The following SMCHD1 variants were observed in gnomAD, a reference collection of about 807,000 sequenced individuals.
SMCHD1 encodes structural maintenance of chromosomes flexible hinge domain containing 1, also known as structural maintenance of chromosomes flexible hinge domain-containing protein 1.
SMCHD1 carries 78 observed loss-of-function variants against 254.7 expected under a neutral mutation model. The observed-to-expected ratio is 0.31, with a 90% CI of 0.26 to 0.37. SMCHD1 has a LOEUF of 0.37. Among genes scored for constraint, SMCHD1 ranks in the 10% least tolerant of loss-of-function variants. The pLI, the probability that SMCHD1 is intolerant of heterozygous loss-of-function variation, is 1.00. For synonymous variants in SMCHD1, 766 were observed against 794.9 expected (o/e 0.96, Z 0.61); for missense variants, 1,840 against 2,408.1 (o/e 0.76, Z 4.94).
At chr18:2,679,829 A>G (rs926455638) in intron 5 of SMCHD1, among the ~76,000 whole-genome samples, 5 of 151,934 alleles carry the variant, frequency 3.3e-5, no homozygotes, top group Admixed American at 6.6e-5. Flanking sequence ...CTTTGCTTCT[A>G]TGACTCCTCT....
intron 26 of SMCHD1, among the ~76,000 whole-genome samples, chr18:2,739,042 C>G (rs2143535238): frequency 6.6e-6 from 1 of 152,310 alleles, no homozygotes; most frequent in Non-Finnish European, 1.5e-5. Context: ...TTCCTCTACC[C>G]ATTTCTATAC....
At chr18:2,785,424 G>A (rs564779299) in intron 45 of SMCHD1, among the ~76,000 whole-genome samples, 185 of 152,114 alleles carry the variant, frequency 1.2e-3, no homozygotes, top group African/African-American at 3.9e-3. Flanking sequence ...CGAGGTAGGC[G>A]GATCATGAGG....
chr18:2,699,189 T>C (rs1301057845), intron 10 of SMCHD1, among the ~76,000 whole-genome samples: 2 of 152,170 alleles, frequency 1.3e-5, no homozygotes, highest in African/African-American at 2.4e-5. Context: ...TTTCCTTACC[T>C]GGGAAATGGG....
chr18:2,775,068 A>ATTTTTTTTTTTTT (rs10601895), intron 41 of SMCHD1, among the ~76,000 whole-genome samples: 2 of 73,010 alleles, frequency 2.7e-5, no homozygotes, highest in African/African-American at 8.9e-5. Context: ...AAAAGGAACA[A>ATTTTTTTTTTTTT]TTTTTTTTTT....
At chr18:2,776,213 A>G (rs2076063694) in intron 42 of SMCHD1, among the ~76,000 whole-genome samples, 1 of 152,102 alleles carries the variant, frequency 6.6e-6, no homozygotes, top group Non-Finnish European at 1.5e-5. Context: ...CAAAGACATA[A>G]TATTTTTTTT....
At chr18:2,769,316 C>G (rs1186125499) in intron 37 of SMCHD1, among the ~76,000 whole-genome samples, 1 of 152,136 alleles carries the variant, frequency 6.6e-6, no homozygotes, top group Non-Finnish European at 1.5e-5. Context: ...AACTTTCACA[C>G]TATCAGCTCT....
At chr18:2,673,003 A>G (rs535191138) in intron 3 of SMCHD1, 343 of 876,710 alleles carry the variant, frequency 3.9e-4, no homozygotes, top group Non-Finnish European at 4.5e-4. Flanking sequence ...TAATGTCTGT[A>G]TGTCTGTCTT....
At chr18:2,768,856 G>A (rs901297696) in intron 37 of SMCHD1, among the ~76,000 whole-genome samples, 3 of 148,852 alleles carry the variant, frequency 2.0e-5, no homozygotes, top group African/African-American at 7.3e-5. Context: ...ATGTAAGTCT[G>A]TTGAAAACCA....
intron 37 of SMCHD1, chr18:2,764,000 A>G (rs924268733): frequency 2.2e-6 from 1 of 448,848 alleles, no homozygotes; most frequent in African/African-American, 2.1e-5. Context: ...ATGGGATAAC[A>G]GCTTTCTCTG....
chr18:2,772,044 C>G (rs528237901), intron 40 of SMCHD1, among the ~76,000 whole-genome samples: 1 of 151,550 alleles, frequency 6.6e-6, no homozygotes, highest in Middle Eastern at 3.2e-3. Flanking sequence ...GAAGTGGGAA[C>G]TTTATATTAC....
At chr18:2,709,232 G>A (rs371492519) in intron 17 of SMCHD1, among the ~76,000 whole-genome samples, 3 of 79,654 alleles carry the variant, frequency 3.8e-5, no homozygotes, top group Non-Finnish European at 9.4e-5. Context: ...GTGTATATGT[G>A]TATATATATA....
intron 42 of SMCHD1, 93 bp downstream of exon 42, chr18:2,776,017 C>T: frequency 9.0e-7 from 1 of 1,113,196 alleles, no homozygotes; most frequent in Non-Finnish European, 1.3e-6. Flanking sequence ...CTAAAAGATA[C>T]CTAAAACAGA....
chr18:2,730,619 T>C (rs1453815292), intron 24 of SMCHD1, among the ~76,000 whole-genome samples: 4 of 152,040 alleles, frequency 2.6e-5, no homozygotes, highest in Non-Finnish European at 4.4e-5. Flanking sequence ...ACTTCAAAGG[T>C]TGCTGAGTAG....
At position 2,802,595 on chromosome 18, in the gene SMCHD1, C is replaced by G; in HGVS notation, c.*43C>G. ...AGGCCATTGGTCTCAGTAAGAATGC[C>G]CTGCTTTCTGCATCTCTGTTTCAGA... On this transcript the variant is annotated 3_prime_UTR_variant, in exon 48 of 48. Transcript: ENST00000320876. The G allele has an allele frequency of 6.6e-7, 1 of 1,516,060 alleles. No homozygotes were observed. The highest frequency in any genetic ancestry group is 1.3e-5 in the South Asian group (1 of 79,538). 93.9% of individuals were successfully genotyped at this position (1,516,060 alleles called of 1,614,324 possible).
chr18:2,708,942 A>T (rs2074599972), intron 17 of SMCHD1, among the ~76,000 whole-genome samples: 1 of 129,328 alleles, frequency 7.7e-6, no homozygotes, highest in Non-Finnish European at 1.6e-5. Flanking sequence ...AGTGGCATTA[A>T]GTACATTCAT....
chr18:2,710,076 T>C (rs928932616), intron 17 of SMCHD1, among the ~76,000 whole-genome samples: 12 of 152,232 alleles, frequency 7.9e-5, no homozygotes, highest in African/African-American at 2.7e-4. Flanking sequence ...CTTTTGCATA[T>C]GGTTAACTTC....
intron 45 of SMCHD1, among the ~76,000 whole-genome samples, chr18:2,792,173 T>A (rs1317258851): frequency 6.6e-6 from 1 of 152,252 alleles, no homozygotes; most frequent in Non-Finnish European, 1.5e-5. Flanking sequence ...AATACTGTCA[T>A]GTGCCGCACA....
intron 21 of SMCHD1, among the ~76,000 whole-genome samples, chr18:2,726,031 C>T (rs1358235206): frequency 6.6e-6 from 1 of 151,768 alleles, no homozygotes; most frequent in African/African-American, 2.4e-5. Context: ...TTTTCTGTTC[C>T]ATGAACCAAT....
At chr18:2,663,539 A>T (rs1219720469) in intron 1 of SMCHD1, among the ~76,000 whole-genome samples, 1 of 152,130 alleles carries the variant, frequency 6.6e-6, no homozygotes, top group Non-Finnish European at 1.5e-5. Context: ...GTCTAAGTTA[A>T]GGTGTGGATT....
Sources: gnomAD v4.1 joint callset for allele counts (sites outside exome capture counted in the v4.1 genomes callset) on GRCh38, gnomAD v4.1.1 for gene constraint, MANE v1.5 for transcripts, NCBI Gene and HGNC (gene_info 2026-07-23, HGNC 2026-07-21) for gene names.